The following KCNIP1 variants were observed in gnomAD, a reference collection of about 807,000 sequenced individuals.
KCNIP1 encodes the protein potassium voltage-gated channel interacting protein 1, also known as A-type potassium channel modulatory protein KCNIP1.
KCNIP1 carries 18 observed loss-of-function variants against 33.0 expected under a neutral mutation model. That is an observed-to-expected ratio of 0.55 (90% CI 0.38 to 0.81). The LOEUF is 0.81. KCNIP1 is among the 30% of genes least tolerant of loss of function. The probability of loss-of-function intolerance (pLI) is 0.00; values close to 1 mark genes in which losing one functional copy is unlikely to be tolerated. For missense variants in KCNIP1, 238 were observed against 271.6 expected, an observed-to-expected ratio of 0.88 and a Z score of 0.87; for synonymous variants, 93 against 98.3, an observed-to-expected ratio of 0.95 and a Z score of 0.32.
intron 1 of KCNIP1, among the ~76,000 whole-genome samples, chr5:170,530,429 A>G (rs1010134128): frequency 2.0e-5 from 3 of 152,224 alleles, no homozygotes; most frequent in Non-Finnish European, 4.4e-5. Context: ...GGAGTCAAGG[A>G]GGTGAAATGG....
chr5:170,726,015 AG>A (rs1763993093), intron 5 of KCNIP1, among the ~76,000 whole-genome samples: 1 of 152,186 alleles, frequency 6.6e-6, no homozygotes, highest in East Asian at 1.9e-4. Flanking sequence ...TTAAAACAAA[AG>A]CTGTTTTCTT....
chr5:170,677,907 T>C (rs974342847), intron 1 of KCNIP1, among the ~76,000 whole-genome samples: 2 of 152,152 alleles, frequency 1.3e-5, no homozygotes, highest in African/African-American at 2.4e-5. Context: ...AAAAATAAAA[T>C]AGTAATTTGG....
intron 1 of KCNIP1, among the ~76,000 whole-genome samples, chr5:170,605,191 C>T (rs1758857789): frequency 6.6e-6 from 1 of 151,034 alleles, no homozygotes; most frequent in African/African-American, 2.4e-5. Context: ...GCCACCTGCC[C>T]ACCCTCCCTT....
At chr5:170,443,368 T>C (rs1756037638) in intron 1 of KCNIP1, among the ~76,000 whole-genome samples, 1 of 151,722 alleles carries the variant, frequency 6.6e-6, no homozygotes, top group South Asian at 2.1e-4. Flanking sequence ...CAAATCAACC[T>C]TGGGAAAAGG....
At chr5:170,386,950 C>A (rs926992019) in intron 1 of KCNIP1, among the ~76,000 whole-genome samples, 3 of 152,116 alleles carry the variant, frequency 2.0e-5, no homozygotes, top group African/African-American at 4.8e-5. Flanking sequence ...ATCGCTCCCC[C>A]AGGAGTGTGA....
At chr5:170,456,432 A>G (rs575865178) in intron 1 of KCNIP1, among the ~76,000 whole-genome samples, 49 of 152,216 alleles carry the variant, frequency 3.2e-4, no homozygotes, top group African/African-American at 1.1e-3. Context: ...CCTGTGTAAC[A>G]AACCTGCACA....
intron 1 of KCNIP1, chr5:170,375,370 A>C (rs1408635799): frequency 6.6e-6 from 1 of 152,242 alleles, no homozygotes; most frequent in Non-Finnish European, 1.5e-5. Context: ...CAGGTAAGAA[A>C]CTGGAGGCCA....
intron 1 of KCNIP1, among the ~76,000 whole-genome samples, chr5:170,675,189 C>A (rs1581482740): frequency 6.6e-6 from 1 of 152,072 alleles, no homozygotes; most frequent in South Asian, 2.1e-4. Context: ...ATTCCAGCTA[C>A]TTGGGAGGCT....
rs553895694 is a variant in KCNIP1, at chr5:170,609,652, G to A, written c.61+105019G>A. ...GGCCAGGAGTTCAAGACCAGCCTGG[G>A]CAACATAGCGAGACCTCACTAAAAA... On this transcript the variant is annotated intron_variant, in intron 1 of 7. Transcript: ENST00000328939. Among the ~76,000 whole-genome samples, 523 of 152,024 alleles carry A rather than the reference G, an allele frequency of 3.4e-3. 2 individuals carry two copies. Among genetic ancestry groups the A allele is most frequent in the Non-Finnish European group, 5.8e-3 (392 of 67,986 alleles).
chr5:170,617,012 G>A (rs935926454), intron 1 of KCNIP1, among the ~76,000 whole-genome samples: 1 of 151,444 alleles, frequency 6.6e-6, no homozygotes, highest in South Asian at 2.1e-4. Flanking sequence ...CTAATCTGTC[G>A]CCTCCACCAA....
rs1001087684 is a variant in KCNIP1, at chr5:170,615,238, A to T, written c.62-103520A>T. 4.9e-4 allele frequency among the ~76,000 whole-genome samples: 74 copies of T among 152,114 alleles called. 2 individuals are homozygous for T. Among genetic ancestry groups the T allele is most frequent in the Non-Finnish European group, 4.4e-5 (3 of 68,018 alleles). On this transcript the variant is annotated intron_variant, in intron 1 of 7. Coordinates refer to ENST00000328939, the MANE Select transcript of KCNIP1 (RefSeq NM_014592.4). ...TCAAAAATCAAAAAACAAAAAAAGG[A>T]AAAAACAGAACATGAAAGCCACTTT...
chr5:170,469,891 TC>T (rs1756685726), intron 1 of KCNIP1, among the ~76,000 whole-genome samples: 1 of 152,184 alleles, frequency 6.6e-6, no homozygotes, highest in South Asian at 2.1e-4. Context: ...CTTCACTCAA[TC>T]CTCCATAAAT....
At chr5:170,622,116 C>T (rs187015243) in intron 1 of KCNIP1, among the ~76,000 whole-genome samples, 213 of 152,300 alleles carry the variant, frequency 1.4e-3, no homozygotes, top group Middle Eastern at 0.01. Flanking sequence ...GTGCTTTGCA[C>T]GGTCCCTGGA....
chr5:170,510,437 G>C (rs1754889120), intron 1 of KCNIP1, among the ~76,000 whole-genome samples: 1 of 152,198 alleles, frequency 6.6e-6, no homozygotes, highest in South Asian at 2.1e-4. Flanking sequence ...CGGCGGTGCA[G>C]ATGAGGAATC....
intron 1 of KCNIP1, chr5:170,681,426 G>A (rs1038064311): frequency 9.6e-6 from 3 of 312,140 alleles, no homozygotes; most frequent in Non-Finnish European, 1.7e-5. Flanking sequence ...TCCTGCTCCG[G>A]CCCTATGAGC....
chr5:170,557,341 CT>C (rs1756877323), intron 1 of KCNIP1, among the ~76,000 whole-genome samples: 1 of 152,190 alleles, frequency 6.6e-6, no homozygotes, highest in Non-Finnish European at 1.5e-5. Context: ...ACAACTTTCT[CT>C]CCTGAAGATG....
chr5:170,485,678 A>T (rs903233708), intron 1 of KCNIP1, among the ~76,000 whole-genome samples: 1 of 152,138 alleles, frequency 6.6e-6, no homozygotes, highest in Non-Finnish European at 1.5e-5. Context: ...TGCTGATGAC[A>T]TGATCTCAGA....
intron 1 of KCNIP1, among the ~76,000 whole-genome samples, chr5:170,714,607 C>T (rs1763580552): frequency 6.6e-6 from 1 of 152,046 alleles, no homozygotes; most frequent in South Asian, 2.1e-4. Context: ...TGCCCAGTGA[C>T]TTCTTGAGGT....
chr5:170,363,912 GTC>G (rs1763584795), intron 1 of KCNIP1, among the ~76,000 whole-genome samples: 1 of 151,648 alleles, frequency 6.6e-6, no homozygotes, highest in Non-Finnish European at 1.5e-5. Context: ...TGTACTTTCT[GTC>G]TCTATTAACT....
Sources: gnomAD v4.1 joint callset for allele counts (sites outside exome capture counted in the v4.1 genomes callset) on GRCh38, gnomAD v4.1.1 for gene constraint, MANE v1.5 for transcripts, NCBI Gene and HGNC (gene_info 2026-07-23, HGNC 2026-07-21) for gene names.